FARP1: variants seen among roughly 807,000 people sequenced by gnomAD.
The protein encoded by FARP1 is FERM, ARHGEF and pleckstrin domain-containing protein 1.
FARP1 carries 52 observed loss-of-function variants against 128.8 expected under a neutral mutation model. The observed-to-expected ratio is 0.40, with a 90% CI of 0.32 to 0.51. The LOEUF is 0.51. Ranked by LOEUF, FARP1 falls within the 20% of genes least tolerant of loss-of-function variation. The pLI, the probability that FARP1 is intolerant of heterozygous loss-of-function variation, is 0.45. For missense variants in FARP1, 1,333 were observed against 1,367.9 expected (o/e 0.97, Z 0.40); for synonymous variants, 580 against 551.8 (o/e 1.05, Z -0.72).
intron 2 of FARP1, among the ~76,000 whole-genome samples, chr13:98,213,883 A>G (rs1203201802): frequency 1.3e-5 from 2 of 152,106 alleles, no homozygotes; most frequent in African/African-American, 2.4e-5. Flanking sequence ...GAGCATCATT[A>G]AAGAGCCACG....
chr13:98,403,882 G>C (rs1342105702), intron 13 of FARP1: 2 of 152,358 alleles, frequency 1.3e-5, no homozygotes, highest in African/African-American at 4.8e-5. Context: ...GTATCATGCT[G>C]TAAAAACTGT....
chr13:98,313,340 C>A (rs978335365), intron 2 of FARP1, among the ~76,000 whole-genome samples: 1 of 123,432 alleles, frequency 8.1e-6, no homozygotes, highest in African/African-American at 2.8e-5. Flanking sequence ...ACACACACAC[C>A]TGCACAAACG....
intron 3 of FARP1, among the ~76,000 whole-genome samples, chr13:98,351,623 AAAAG>A (rs1292697703): frequency 9.9e-5 from 15 of 151,980 alleles, no homozygotes; most frequent in South Asian, 2.1e-4. Flanking sequence ...AAAAAAAAAA[AAAAG>A]AAAGAAAAAA....
chr13:98,167,881 G>T (rs1283362450), intron 1 of FARP1, among the ~76,000 whole-genome samples: 1 of 152,086 alleles, frequency 6.6e-6, no homozygotes, highest in African/African-American at 2.4e-5. Context: ...ATTAGATTTG[G>T]TGCCATGCTG....
At chr13:98,158,936 G>T (rs1180625032) in intron 1 of FARP1, among the ~76,000 whole-genome samples, 1 of 152,166 alleles carries the variant, frequency 6.6e-6, no homozygotes, top group African/African-American at 2.4e-5. Context: ...AGGAAAGCCA[G>T]CTCCATTCCT....
At chr13:98,180,010 G>A (rs1005367928) in intron 1 of FARP1, among the ~76,000 whole-genome samples, 2 of 152,070 alleles carry the variant, frequency 1.3e-5, no homozygotes, top group Non-Finnish European at 2.9e-5. Context: ...TGCTTCTGCC[G>A]GGCTAGGGAA....
intron 2 of FARP1, among the ~76,000 whole-genome samples, chr13:98,259,108 G>A (rs998740208): frequency 2.6e-5 from 4 of 152,032 alleles, no homozygotes; most frequent in African/African-American, 7.2e-5. Flanking sequence ...CTACTCCAGC[G>A]GCTGAGGTGG....
intron 1 of FARP1, among the ~76,000 whole-genome samples, chr13:98,181,661 A>AGAGAGAGAGAGT (rs138526104): frequency 0.067 from 9,935 of 148,598 alleles, 1,108 homozygotes; most frequent in East Asian, 0.54. Flanking sequence ...AGAGAGAGAG[A>AGAGAGAGAGAGT]GTCTCACTGT....
chr13:98,181,643 TGA>T (rs66507306), intron 1 of FARP1, among the ~76,000 whole-genome samples: 3 of 38,294 alleles, frequency 7.8e-5, no homozygotes, highest in Non-Finnish European at 5.5e-5. Flanking sequence ...TTTATTTATT[TGA>T]GAGAGAGAGA....
chr13:98,224,526 C>CAAAAAAAAAAA (rs1203238924), intron 2 of FARP1, among the ~76,000 whole-genome samples: 3 of 50,262 alleles, frequency 6.0e-5, no homozygotes, highest in East Asian at 3.4e-4. Flanking sequence ...GACTCTGTCT[C>CAAAAAAAAAAA]AAAAAAAAAA....
rs565096202 is a variant in FARP1, at chr13:98,303,377, A to C, written c.172-40385A>C. On this transcript the variant is annotated intron_variant, in intron 2 of 26. Coordinates refer to ENST00000319562, the MANE Select transcript of FARP1 (RefSeq NM_005766.4). ...TTGAACTGTATACTTACAGTAGTTG[A>C]ATTTTATAGCATGTACATCTACTTC... is the stretch of plus-strand genomic sequence containing the variant. 1.5e-4 allele frequency among the ~76,000 whole-genome samples: 23 copies of C among 152,346 alleles called. 1 individual carries two copies. In the South Asian group the frequency reaches 4.8e-3, roughly 32 times the overall value.
chr13:98,252,148 A>G (rs1883365481), intron 2 of FARP1, among the ~76,000 whole-genome samples: 1 of 152,182 alleles, frequency 6.6e-6, no homozygotes, highest in African/African-American at 2.4e-5. Context: ...GTGCCCACCT[A>G]TATATGTATT....
chr13:98,331,133 G>T (rs576858829), intron 2 of FARP1, among the ~76,000 whole-genome samples: 2 of 152,258 alleles, frequency 1.3e-5, no homozygotes, highest in Admixed American at 6.5e-5. Flanking sequence ...AACACCTAAG[G>T]AAACTGGTTG....
intron 5 of FARP1, among the ~76,000 whole-genome samples, chr13:98,375,292 C>G (rs1490173425): frequency 6.6e-6 from 1 of 152,160 alleles, no homozygotes; most frequent in Non-Finnish European, 1.5e-5. Flanking sequence ...CATTGATAAT[C>G]CTGGCTGGAG....
chr13:98,400,658 T>G (rs1220606645), intron 13 of FARP1: 1 of 152,242 alleles, frequency 6.6e-6, no homozygotes, highest in African/African-American at 2.4e-5. Flanking sequence ...TTATTCTGAT[T>G]AGCTAGATTT....
At chr13:98,215,776 C>T (rs1881023992) in intron 2 of FARP1, among the ~76,000 whole-genome samples, 1 of 151,734 alleles carries the variant, frequency 6.6e-6, no homozygotes, top group Non-Finnish European at 1.5e-5. Context: ...ATGTCTCCTC[C>T]ATTCATATTT....
chr13:98,201,435 C>G (rs553261377), intron 1 of FARP1, among the ~76,000 whole-genome samples: 3 of 152,122 alleles, frequency 2.0e-5, no homozygotes, highest in Non-Finnish European at 2.9e-5. Flanking sequence ...GGTGACAGAG[C>G]GAGACCCTGC....
intron 2 of FARP1, among the ~76,000 whole-genome samples, chr13:98,310,081 T>G (rs1236258048): frequency 2.9e-4 from 1 of 3,496 alleles, no homozygotes; most frequent in Non-Finnish European, 4.3e-4. Flanking sequence ...AGATTACATG[T>G]TTTTTTTTTT....
chr13:98,275,471 T>G (rs931769764), intron 2 of FARP1, among the ~76,000 whole-genome samples: 1 of 151,716 alleles, frequency 6.6e-6, no homozygotes, highest in South Asian at 2.1e-4. Context: ...TTGGTAAATA[T>G]TTTAAAATAT....
Sources: allele counts gnomAD v4.1 joint callset (sites outside exome capture counted in the v4.1 genomes callset), GRCh38; gene constraint gnomAD v4.1.1; transcripts MANE v1.5; gene names NCBI Gene and HGNC (gene_info 2026-07-23, HGNC 2026-07-21).